The following PALLD variants were observed in gnomAD, a reference collection of about 807,000 sequenced individuals.
PALLD encodes palladin.
Under a neutral mutation model 123.5 loss-of-function variants are expected in PALLD, and 61 were observed. The observed-to-expected ratio is 0.49, with a 90% confidence interval of 0.40 to 0.61. The LOEUF (loss-of-function observed/expected upper bound fraction) is 0.61, where lower values mean the gene tolerates loss of function less well. PALLD is among the 20% of genes least tolerant of loss of function. The pLI is 0.00. For synonymous variants in PALLD, 465 were observed against 496.4 expected (o/e 0.94, Z 0.84); for missense variants, 1,273 against 1,377.0 (o/e 0.92, Z 1.20).
At chr4:168,647,800 A>AAG (rs1777626750) in intron 2 of PALLD, 1 of 151,624 alleles carries the variant, frequency 6.6e-6, no homozygotes, top group Non-Finnish European at 1.5e-5. Flanking sequence ...AAAAAAAAAA[A>AAG]AAGAAGTGGC....
intron 10 of PALLD, among the ~76,000 whole-genome samples, chr4:168,723,891 C>CTTTTT (rs59055427): frequency 8.1e-5 from 9 of 111,768 alleles, no homozygotes; most frequent in African/African-American, 1.8e-4. Context: ...TTGAGTTGGG[C>CTTTTT]TTTTTTTTTT....
intron 15 of PALLD, among the ~76,000 whole-genome samples, chr4:168,909,658 T>C (rs956377548): frequency 6.6e-6 from 1 of 152,136 alleles, no homozygotes. Context: ...AATGAGAAAA[T>C]TAATAAAAGC....
chr4:168,578,139 C>T (rs953719045), intron 2 of PALLD, among the ~76,000 whole-genome samples: 1 of 152,104 alleles, frequency 6.6e-6, no homozygotes, highest in East Asian at 1.9e-4. Flanking sequence ...GTTTGTTCTA[C>T]ATTATCTTCT....
intron 3 of PALLD, among the ~76,000 whole-genome samples, chr4:168,669,543 G>GC (rs2150019236): frequency 6.6e-6 from 1 of 152,232 alleles, no homozygotes; most frequent in Admixed American, 6.5e-5. Context: ...AGGTTACATT[G>GC]AGTTATGATG....
At chr4:168,585,584 AG>A (rs5863944) in intron 2 of PALLD, among the ~76,000 whole-genome samples, 53,402 of 151,864 alleles carry the variant, frequency 0.35, 10,148 homozygotes, top group African/African-American at 0.52. Context: ...GAGAAAACAG[AG>A]GGGGGCCTGG....
chr4:168,793,167 A>G (rs1418539851), intron 10 of PALLD, among the ~76,000 whole-genome samples: 2 of 136,602 alleles, frequency 1.5e-5, no homozygotes, highest in Non-Finnish European at 3.1e-5. Flanking sequence ...ATATACATAT[A>G]TATGTGTGCA....
chr4:168,835,762 G>A (rs1025436473), intron 10 of PALLD, among the ~76,000 whole-genome samples: 4 of 152,076 alleles, frequency 2.6e-5, no homozygotes, highest in Non-Finnish European at 4.4e-5. Flanking sequence ...GCAGTGGCAT[G>A]ATCTGGGCTC....
At chr4:168,611,466 C>T (rs956050346) in intron 2 of PALLD, among the ~76,000 whole-genome samples, 1 of 152,184 alleles carries the variant, frequency 6.6e-6, no homozygotes, top group Non-Finnish European at 1.5e-5. Context: ...TAGCACCTTC[C>T]TCTCTTCTTC....
intron 10 of PALLD, among the ~76,000 whole-genome samples, chr4:168,780,413 C>A (rs963936325): frequency 6.6e-6 from 1 of 152,224 alleles, no homozygotes; most frequent in African/African-American, 2.4e-5. Context: ...CTTTCTTAGT[C>A]TCACCTAGCT....
chr4:168,674,091 T>A (rs1429931381), intron 3 of PALLD, among the ~76,000 whole-genome samples: 1 of 152,116 alleles, frequency 6.6e-6, no homozygotes, highest in Admixed American at 6.5e-5. Flanking sequence ...ATTTTTGTAT[T>A]TTTAGTAAAG....
rs79836502 is a variant in PALLD at position 168,622,682 on chromosome 4, A to C, written c.909-45508A>C. ...CCTTTCTTAAATTCCTCCATTAGGT[A>C]GCATCTTATTACATAACCACTTTAT... On this transcript the variant is annotated intron_variant, in intron 2 of 21. Coordinates refer to ENST00000505667, the MANE Select transcript of PALLD (RefSeq NM_001166108.2). Among the ~76,000 whole-genome samples the C allele has an allele frequency of 5.5e-3, 842 of 152,342 alleles. 6 individuals carry two copies. Among genetic ancestry groups the C allele is most frequent in the African/African-American group, 0.019 (793 of 41,578 alleles).
rs33994498 is a variant in PALLD, at chr4:168,720,475, TA to T, written c.1964+8553del. On this transcript the variant is annotated intron_variant, in intron 10 of 21. Coordinates refer to ENST00000505667, the MANE Select transcript of PALLD (RefSeq NM_001166108.2). ...GGGGTCTTCAAAATATTAGGGAAGATAGAGCAGAAAACCATTTTTTTCAGTT... is the reference window on the plus strand; with the variant it reads ...GGGGTCTTCAAAATATTAGGGAAGATGAGCAGAAAACCATTTTTTTCAGTT... 0.032 allele frequency among the ~76,000 whole-genome samples: 4,945 copies of T among 152,274 alleles called. 370 individuals are homozygous for T. The East Asian group carries it at 0.33, about 10-fold the overall frequency.
At chr4:168,600,097 GTA>G (rs1343804200) in intron 2 of PALLD, among the ~76,000 whole-genome samples, 20 of 101,878 alleles carry the variant, frequency 2.0e-4, no homozygotes, top group Non-Finnish European at 3.3e-4. Context: ...ACATGCATGT[GTA>G]TGCACACATA....
At chr4:168,801,935 T>G (rs1739402329) in intron 10 of PALLD, among the ~76,000 whole-genome samples, 1 of 152,254 alleles carries the variant, frequency 6.6e-6, no homozygotes, top group Admixed American at 6.5e-5. Flanking sequence ...TGCCTTTTTC[T>G]TATTGATTTG....
chr4:168,792,923 C>T (rs1038868868), intron 10 of PALLD, among the ~76,000 whole-genome samples: 5 of 151,596 alleles, frequency 3.3e-5, no homozygotes, highest in African/African-American at 7.3e-5. Context: ...CAGGCCACCA[C>T]GCCTGGCTAA....
chr4:168,733,773 GC>G (rs201010521), intron 10 of PALLD, among the ~76,000 whole-genome samples: 12,751 of 152,114 alleles, frequency 0.084, 503 homozygotes, highest in South Asian at 0.12. Context: ...TCGCTCTTTT[GC>G]CCTGGCCGGA....
chr4:168,922,535 G>A (rs951007267), intron 18 of PALLD, among the ~76,000 whole-genome samples: 1 of 152,140 alleles, frequency 6.6e-6, no homozygotes, highest in South Asian at 2.1e-4. Flanking sequence ...GACTCCTAGT[G>A]CTCTTCTAAA....
At chr4:168,810,193 G>C (rs1740868648) in intron 10 of PALLD, among the ~76,000 whole-genome samples, 1 of 152,070 alleles carries the variant, frequency 6.6e-6, no homozygotes, top group South Asian at 2.1e-4. Flanking sequence ...AACAGGAAAA[G>C]AGCAAGAATG....
chr4:168,904,871 A>T (rs1332684565), intron 15 of PALLD, among the ~76,000 whole-genome samples: 1 of 152,144 alleles, frequency 6.6e-6, no homozygotes, highest in Non-Finnish European at 1.5e-5. Context: ...TCACATCTGT[A>T]GTCCCAGCAC....
Sources: allele counts gnomAD v4.1 joint callset (sites outside exome capture counted in the v4.1 genomes callset), GRCh38; gene constraint gnomAD v4.1.1; transcripts MANE v1.5; gene names NCBI Gene and HGNC (gene_info 2026-07-23, HGNC 2026-07-21).